Variants in ATP7B observed in about 807,000 individuals in gnomAD.
ATP7B encodes the protein ATPase copper transporting beta.
In ATP7B, 113 loss-of-function variants were observed where a neutral mutation model predicts 118.9. The ratio of observed to expected loss-of-function variants is 0.95; its 90% confidence interval spans 0.82 to 1.11. The LOEUF (loss-of-function observed/expected upper bound fraction) is 1.11. ATP7B is among the 50% of genes most tolerant of loss of function. The pLI, the probability that ATP7B is intolerant of heterozygous loss-of-function variation, is 0.00. For synonymous variants in ATP7B, 777 were observed against 727.4 expected (o/e 1.07, Z -1.10); for missense variants, 1,867 against 1,871.4 (o/e 1.00, Z 0.04).
chr13:51,938,389 C>T (rs1957104815), intron 17 of ATP7B, among the ~76,000 whole-genome samples: 1 of 152,206 alleles, frequency 6.6e-6, no homozygotes, highest in Non-Finnish European at 1.5e-5. Context: ...TTCGTAAGTG[C>T]CTGCTGAATA....
chr13:51,959,846 A>G (rs931462039), intron 7 of ATP7B: 4 of 441,112 alleles, frequency 9.1e-6, no homozygotes, highest in South Asian at 6.6e-5. Context: ...GGAGACACAG[A>G]GTTCACCACA....
At chr13:51,960,468 A>ACT (rs895072034) in intron 6 of ATP7B, 146 bp from the exon 7 acceptor site, 3 of 996,314 alleles carry the variant, frequency 3.0e-6, no homozygotes, top group Non-Finnish European at 3.0e-6. Context: ...GAAAGTAAGA[A>ACT]CTCTCTCTCT....
intron 13 of ATP7B, among the ~76,000 whole-genome samples, chr13:51,945,763 G>C (rs563770735): frequency 6.6e-6 from 1 of 152,360 alleles, no homozygotes; most frequent in Admixed American, 6.5e-5. Context: ...CACGCAGTGA[G>C]TGCCCAGCAA....
intron 1 of ATP7B, 112 bp from the exon 2 acceptor site, chr13:51,975,280 T>G: frequency 7.2e-7 from 1 of 1,383,490 alleles, no homozygotes; most frequent in Non-Finnish European, 1.0e-6. Flanking sequence ...TGTCAAAATA[T>G]CCCAAGGGTA....
chr13:51,938,902 T>C (rs988319872), intron 17 of ATP7B, 149 bp downstream of exon 17: 187 of 1,302,950 alleles, frequency 1.4e-4, no homozygotes, highest in Non-Finnish European at 1.9e-4. Flanking sequence ...CAACACTACA[T>C]GGCCACAGAA....
intron 1 of ATP7B, 47 bp from the exon 2 acceptor site, chr13:51,975,215 T>A (rs1208775470): frequency 1.3e-6 from 2 of 1,598,712 alleles, no homozygotes; most frequent in Non-Finnish European, 1.7e-6. Context: ...ACCAAATATT[T>A]TCTACAACAT....
rs770672596 is a variant in ATP7B at position 51,944,223 on chromosome 13, G to A, written c.3129C>T (p.Leu1043=). 5 of 1,614,122 alleles carry A rather than the reference G, an allele frequency of 3.1e-6. No homozygotes were observed. The highest frequency in any genetic ancestry group is 4.2e-6 in the Non-Finnish European group (5 of 1,180,024). The change falls in exon 14 of 21, where the codon CTC becomes CTT. Residue 1043 remains leucine, a synonymous_variant. Coordinates refer to ENST00000242839, the MANE Select transcript of ATP7B (RefSeq NM_000053.4). ...GCAGTGTGGCCACATCCCCCAGCAGGAGCACCCGCATGACCCTGGGGACGC... is the reference window on the plus strand; with the variant it reads ...GCAGTGTGGCCACATCCCCCAGCAGAAGCACCCGCATGACCCTGGGGACGC... ...THGVPRVMRV[L]LLGDVATLPL... is the part of the protein sequence containing the mutation.
At position 52,011,443 on chromosome 13, in the gene ATP7B, A is replaced by C. The variant is rs763465409; in HGVS notation, c.-106T>G. 17 of 1,469,782 alleles carry C rather than the reference A, an allele frequency of 1.2e-5. No individual in the cohort carries two copies. In the Admixed American group the frequency reaches 1.2e-4, roughly 11 times the overall value. 91.0% of individuals were successfully genotyped at this position (1,469,782 alleles called of 1,614,324 possible). The stretch of plus-strand genomic sequence containing the variant: ...TAAAGTCCCGGGAGAGGAGGCGCAG[A>C]GTGTGAGGGCATCGGCGCGGCTCGG... On this transcript the variant is annotated 5_prime_UTR_variant, in exon 1 of 21. Coordinates refer to ENST00000242839, the MANE Select transcript of ATP7B (RefSeq NM_000053.4).
intron 1 of ATP7B, among the ~76,000 whole-genome samples, chr13:51,995,088 T>A (rs866134075): frequency 4.6e-5 from 7 of 152,204 alleles, no homozygotes; most frequent in Admixed American, 1.3e-4. Flanking sequence ...TTTTGCTTCA[T>A]AGAGTCTTAC....
At chr13:51,983,924 G>A (rs968133376) in intron 1 of ATP7B, among the ~76,000 whole-genome samples, 11 of 152,238 alleles carry the variant, frequency 7.2e-5, no homozygotes, top group African/African-American at 2.6e-4. Context: ...ACATCAAAAA[G>A]CAAAGGTAGA....
intron 9 of ATP7B, among the ~76,000 whole-genome samples, chr13:51,957,028 A>G (rs1199301651): frequency 6.6e-6 from 1 of 152,184 alleles, no homozygotes; most frequent in Non-Finnish European, 1.5e-5. Flanking sequence ...ATACAAAGAG[A>G]TTAGAATAGT....
chr13:51,962,340 C>T (rs1244585743), intron 5 of ATP7B, among the ~76,000 whole-genome samples: 1 of 152,194 alleles, frequency 6.6e-6, no homozygotes, highest in South Asian at 2.1e-4. Context: ...CTTGCCACTG[C>T]GGCAGAACTC....
At position 51,968,557 on chromosome 13, in the gene ATP7B, A is replaced by G; in HGVS notation, c.1594T>C (p.Tyr532His). The G allele has an allele frequency of 5.6e-6, 9 of 1,614,172 alleles. No individual in the cohort carries two copies. Among genetic ancestry groups the G allele is most frequent in the Non-Finnish European group, 7.6e-6 (9 of 1,180,034 alleles). ...ALMAGKAEIK[Y>H]DPEVIQPLEI... ...AGGGGCTGGATGACCTCTGGGTCATACTTGATCTCTGCCTTTCCTGCCATC... is the reference window on the plus strand; with the variant it reads ...AGGGGCTGGATGACCTCTGGGTCATGCTTGATCTCTGCCTTTCCTGCCATC... The change falls in exon 4 of 21, where the codon TAT (tyrosine) becomes CAT (histidine). Residue 532 changes from tyrosine (Y) to histidine (H), a missense_variant. Tyr to His is a moderately conservative substitution (Grantham distance 83). Coordinates refer to ENST00000242839, the MANE Select transcript of ATP7B (RefSeq NM_000053.4).
chr13:51,982,600 T>A (rs1427771657), intron 1 of ATP7B, among the ~76,000 whole-genome samples: 1 of 152,178 alleles, frequency 6.6e-6, no homozygotes, highest in Non-Finnish European at 1.5e-5. Flanking sequence ...TGAGAGCTAA[T>A]GGGCCCTAAA....
chr13:51,964,851 AT>A lies in ATP7B; in HGVS notation c.1869+20del, dbSNP rs758773114. The A allele has an allele frequency of 6.2e-7, 1 of 1,611,272 alleles. No homozygotes were observed. The highest frequency in any genetic ancestry group is 8.5e-7 in the Non-Finnish European group (1 of 1,177,594). ...TACTGTTTTTAAAAAGGTGACTACA[AT>A]TTTTTAATGAATTACTTACCTCAAT... On this transcript the variant is annotated intron_variant, in intron 5 of 20. Transcript: ENST00000242839.
At chr13:51,953,865 A>AAAAAAAAAAAAAAC in intron 9 of ATP7B, among the ~76,000 whole-genome samples, 1 of 151,360 alleles carries the variant, frequency 6.6e-6, no homozygotes, top group Non-Finnish European at 1.5e-5. Flanking sequence ...AAAAAAAAAA[A>AAAAAAAAAAAAAAC]AAACCAGAAA....
chr13:51,938,888 C>T (rs780858078), intron 17 of ATP7B, among the ~76,000 whole-genome samples, 163 bp downstream of exon 17: 24 of 152,326 alleles, frequency 1.6e-4, no homozygotes, highest in African/African-American at 5.5e-4. Context: ...ACAGTGCTCA[C>T]GTGCAACACT....
At chr13:52,004,865 A>T (rs1372237790) in intron 1 of ATP7B, among the ~76,000 whole-genome samples, 1 of 152,168 alleles carries the variant, frequency 6.6e-6, no homozygotes, top group Non-Finnish European at 1.5e-5. Flanking sequence ...ATCCTCGGAA[A>T]TCTAGATGAA....
At chr13:52,007,825 G>A (rs1288654105) in intron 1 of ATP7B, among the ~76,000 whole-genome samples, 2 of 152,154 alleles carry the variant, frequency 1.3e-5, no homozygotes, top group Non-Finnish European at 2.9e-5. Flanking sequence ...ACTTAGGAAA[G>A]CACTTTATTT....
Sources: gnomAD v4.1 joint callset for allele counts (sites outside exome capture counted in the v4.1 genomes callset) on GRCh38, gnomAD v4.1.1 for gene constraint, MANE v1.5 for transcripts, NCBI Gene and HGNC (gene_info 2026-07-23, HGNC 2026-07-21) for gene names.